Variants in CSK observed in about 807,000 individuals in gnomAD.
The protein encoded by CSK is tyrosine-protein kinase CSK.
In CSK, 7 loss-of-function variants were observed where a neutral mutation model predicts 62.3. The ratio of observed to expected loss-of-function variants is 0.11; its 90% CI spans 0.06 to 0.21. The LOEUF is 0.21. CSK is among the 10% of genes least tolerant of loss of function. CSK has a pLI of 1.00. For synonymous variants in CSK, 237 were observed against 246.0 expected (o/e 0.96, Z 0.34); for missense variants, 294 against 613.5 (o/e 0.48, Z 5.50).
rs564167254 is a variant in CSK, at chr15:74,782,132, G to C, written c.-654G>C. The C allele has an allele frequency of 1.3e-5, 2 of 148,524 alleles. No individual in the cohort carries two copies. Among genetic ancestry groups the C allele is most frequent in the African/African-American group, 4.9e-5 (2 of 41,036 alleles). 9.2% of individuals were successfully genotyped at this position (148,524 alleles called of 1,614,324 possible). On this transcript the variant is annotated 5_prime_UTR_variant, in exon 1 of 13. Coordinates refer to ENST00000220003, the MANE Select transcript of CSK (RefSeq NM_004383.3). This position sits in a 1 kb window ranked among gnomAD's most constrained non-coding sequence, Gnocchi z 5.7. ...GGCCTGCGAGCTTCCTCCCAGCGGA[G>C]CCCTGGGCGAGCCGAGGTTGGCCGC...
chr15:74,789,770 T>C (rs1196495174), intron 1 of CSK, among the ~76,000 whole-genome samples: 1 of 152,162 alleles, frequency 6.6e-6, no homozygotes, highest in Non-Finnish European at 1.5e-5. Flanking sequence ...CCTGCTCCCC[T>C]CACCCATCTT....
intron 1 of CSK, among the ~76,000 whole-genome samples, chr15:74,785,998 C>CTTTTT (rs1297278876): frequency 8.9e-5 from 4 of 44,932 alleles, no homozygotes; most frequent in African/African-American, 2.1e-4. Flanking sequence ...CTCTCTCTCT[C>CTTTTT]TCTCTTTTTT....
rs373614898 is a variant in CSK at position 74,802,595 on chromosome 15, C to T, written c.*82C>T. 2.2e-4 allele frequency: 333 copies of T among 1,531,916 alleles called. No individual in the cohort carries two copies. Among genetic ancestry groups the T allele is most frequent in the African/African-American group, 3.5e-4 (25 of 71,224 alleles). 94.9% of individuals were successfully genotyped at this position (1,531,916 alleles called of 1,614,324 possible). ...ACCTGGTGCCCCTGCTCACTGGGCC[C>T]GAGCCTGAACTGAGCCCCAGCGGGC... is the stretch of plus-strand genomic sequence containing the variant. On this transcript the variant is annotated 3_prime_UTR_variant, in exon 13 of 13. Coordinates refer to ENST00000220003, the MANE Select transcript of CSK (RefSeq NM_004383.3).
At chr15:74,796,323 A>C (rs2063704612) in intron 1 of CSK, among the ~76,000 whole-genome samples, 1 of 152,204 alleles carries the variant, frequency 6.6e-6, no homozygotes, top group South Asian at 2.1e-4. Flanking sequence ...CACATTGAGT[A>C]GGCTGAGGAG....
chr15:74,800,554 C>G lies in CSK; in HGVS notation c.556+49C>G, dbSNP rs542793320. 38 of 1,582,836 alleles carry G rather than the reference C, an allele frequency of 2.4e-5. No individual in the cohort carries two copies. The South Asian group carries it at 4.1e-4, about 17-fold the overall frequency. On this transcript the variant is annotated intron_variant, in intron 6 of 12. Transcript: ENST00000220003. ...TCTTGCCCACCCACCTCCTCCCACG[C>G]AGGCTTCCTGGCACTGCCCCATCCA...
Position 74,802,635 on chromosome 15 carries a change from C to T in CSK, c.*122C>T. On this transcript the variant is annotated 3_prime_UTR_variant, in exon 13 of 13. Coordinates refer to ENST00000220003, the MANE Select transcript of CSK (RefSeq NM_004383.3). ...CCCCAGCGGGCTGGCGGGCCTTTTTCCTGCGTCCCAGCCTGCACCCCTCCG... is the reference window on the plus strand; with the variant it reads ...CCCCAGCGGGCTGGCGGGCCTTTTTTCTGCGTCCCAGCCTGCACCCCTCCG... 7.8e-7 allele frequency: 1 copy of T among 1,275,642 alleles called. No individual in the cohort carries two copies. The highest frequency in any genetic ancestry group is 1.5e-5 in the African/African-American group (1 of 65,362). 79.0% of individuals were successfully genotyped at this position (1,275,642 alleles called of 1,614,324 possible). A position where few individuals can be genotyped will look rare whatever the true frequency, so the allele number is the denominator to read the frequency against.
rs557319326 is a variant in CSK, at chr15:74,788,704, C to T, written c.-66+5984C>T. 12 of 154,340 alleles carry T rather than the reference C, an allele frequency of 7.8e-5. No individual in the cohort carries two copies. The South Asian group carries it at 2.0e-3, about 26-fold the overall frequency. The allele number at this position is 154,340 out of a possible 1,614,324, so 9.6% of individuals were successfully genotyped here. ...AGTGGGGAGACCAGAAATCTGGGGG[C>T]CGAAGTTTTAGACAGCTTATGGGCC... On this transcript the variant is annotated intron_variant, in intron 1 of 12. Coordinates refer to ENST00000220003, the MANE Select transcript of CSK (RefSeq NM_004383.3).
Position 74,802,587 on chromosome 15 carries a change from A to T in CSK, c.*74A>T. The T allele has an allele frequency of 7.0e-6, 11 of 1,560,662 alleles. No individual in the cohort carries two copies. Among genetic ancestry groups the T allele is most frequent in the Non-Finnish European group, 9.5e-6 (11 of 1,154,734 alleles). On this transcript the variant is annotated 3_prime_UTR_variant, in exon 13 of 13. Transcript: ENST00000220003. ...GATCATGGACCTGGTGCCCCTGCTC[A>T]CTGGGCCCGAGCCTGAACTGAGCCC...
chr15:74,791,686 A>T (rs2063622701), intron 1 of CSK, among the ~76,000 whole-genome samples: 3 of 152,130 alleles, frequency 2.0e-5, no homozygotes, highest in Admixed American at 2.0e-4. Flanking sequence ...AACATTCTCC[A>T]GCCCTTTTTT....
Position 74,782,097 on chromosome 15 carries a change from C to T in CSK, c.-689C>T, listed in dbSNP as rs2063441873. On this transcript the variant is annotated 5_prime_UTR_variant, in exon 1 of 13. Coordinates refer to ENST00000220003, the MANE Select transcript of CSK (RefSeq NM_004383.3). The surrounding 1 kb of genome is among the most constrained non-coding windows in gnomAD (Gnocchi z 5.7). The stretch of plus-strand genomic sequence containing the variant: ...CGGGCGGAGGATCCGGGCCGCGCTT[C>T]CTCTCGCCAGGCCTGCGAGCTTCCT... 6.8e-6 allele frequency: 1 copy of T among 148,002 alleles called. No individual in the cohort carries two copies. Among genetic ancestry groups the T allele is most frequent in the Admixed American group, 6.7e-5 (1 of 14,816 alleles). 9.2% of individuals were successfully genotyped at this position (148,002 alleles called of 1,614,324 possible). A position where few individuals can be genotyped will look rare whatever the true frequency, so the allele number is the denominator to read the frequency against.
At chr15:74,787,582 T>C (rs1261965522) in intron 1 of CSK, among the ~76,000 whole-genome samples, 3 of 151,892 alleles carry the variant, frequency 2.0e-5, no homozygotes, top group African/African-American at 7.3e-5. Context: ...GCCTGCTCAG[T>C]TTCTCTTCCT....
Position 74,782,197 on chromosome 15 carries a change from C to T in CSK, c.-589C>T. ...CCGCTGCCGCCCTCCCGCTCCTGCC[C>T]CACCCGCGCCTTGCCCGGGGGCTTC... On this transcript the variant is annotated 5_prime_UTR_variant, in exon 1 of 13. Transcript: ENST00000220003. This position sits in a 1 kb window ranked among gnomAD's most constrained non-coding sequence, Gnocchi z 5.7. 1 of 149,270 alleles carries T rather than the reference C, an allele frequency of 6.7e-6. No individual in the cohort carries two copies. Among genetic ancestry groups the T allele is most frequent in the South Asian group, 1.8e-4 (1 of 5,658 alleles). The allele number at this position is 149,270 out of a possible 1,614,324, so 9.2% of individuals were successfully genotyped here. A position where few individuals can be genotyped will look rare whatever the true frequency, so the allele number is the denominator to read the frequency against.
chr15:74,794,068 A>G (rs2063665923), intron 1 of CSK, among the ~76,000 whole-genome samples: 1 of 152,106 alleles, frequency 6.6e-6, no homozygotes, highest in Non-Finnish European at 1.5e-5. Context: ...GAGGGTTAGA[A>G]GAGCTCACAA....
At chr15:74,784,308 C>T (rs2063483097) in intron 1 of CSK, among the ~76,000 whole-genome samples, 1 of 152,170 alleles carries the variant, frequency 6.6e-6, no homozygotes. Context: ...TGGCCCCACA[C>T]CCAGCCCTAA....
intron 1 of CSK, among the ~76,000 whole-genome samples, chr15:74,783,178 G>A (rs2063463552): frequency 6.6e-6 from 1 of 152,244 alleles, no homozygotes; most frequent in Non-Finnish European, 1.5e-5. Flanking sequence ...CCAGGGCCCA[G>A]CCACCTCGGG....
intron 1 of CSK, among the ~76,000 whole-genome samples, chr15:74,794,601 G>A (rs1397190911): frequency 6.6e-6 from 1 of 152,128 alleles, no homozygotes; most frequent in Non-Finnish European, 1.5e-5. Flanking sequence ...GGGCAGGGGC[G>A]CACCAGACAT....
intron 1 of CSK, among the ~76,000 whole-genome samples, chr15:74,788,961 G>A (rs2051643554): frequency 6.6e-6 from 1 of 152,194 alleles, no homozygotes; most frequent in African/African-American, 2.4e-5. Context: ...TAGGTAATTA[G>A]GCTCCTGAGC....
intron 9 of CSK, 135 bp from the exon 10 acceptor site, chr15:74,801,387 T>C (rs778434377): frequency 2.5e-5 from 20 of 795,716 alleles, no homozygotes; most frequent in Admixed American, 2.8e-5. Flanking sequence ...CCGGCATGGA[T>C]GTTCTGGCCC....
At chr15:74,790,513 C>A (rs370524680) in intron 1 of CSK, among the ~76,000 whole-genome samples, 1 of 152,248 alleles carries the variant, frequency 6.6e-6, no homozygotes, top group East Asian at 1.9e-4. Flanking sequence ...CAGCCTGTTC[C>A]CGGGACCCCA....
Sources: allele counts gnomAD v4.1 joint callset (sites outside exome capture counted in the v4.1 genomes callset), GRCh38; gene constraint gnomAD v4.1.1; non-coding constraint Gnocchi (gnomAD v3.1); transcripts MANE v1.5; gene names NCBI Gene and HGNC (gene_info 2026-07-23, HGNC 2026-07-21).